Variants in ZW10 observed in about 807,000 individuals in gnomAD.
ZW10 encodes zw10 kinetochore protein.
Under a neutral mutation model 87.8 loss-of-function variants are expected in ZW10, and 53 were observed. That is an observed-to-expected ratio of 0.60 (90% CI 0.48 to 0.76). The LOEUF is 0.76. ZW10 is among the 30% of genes least tolerant of loss of function. The pLI, the probability that ZW10 is intolerant of heterozygous loss-of-function variation, is 0.00. For synonymous variants in ZW10, 312 were observed against 329.2 expected (o/e 0.95, Z 0.57); for missense variants, 837 against 923.0 (o/e 0.91, Z 1.21).
intron 7 of ZW10, among the ~76,000 whole-genome samples, chr11:113,750,710 C>T (rs955911540): frequency 6.6e-6 from 1 of 152,160 alleles, no homozygotes; most frequent in Non-Finnish European, 1.5e-5. Context: ...CAAAATTAGT[C>T]ACCTGAAATT....
intron 12 of ZW10, 143 bp from the exon 13 acceptor site, chr11:113,738,537 A>G (rs1953577703): frequency 4.1e-6 from 3 of 736,874 alleles, no homozygotes; most frequent in African/African-American, 3.7e-5. Flanking sequence ...AAGCTGCCCT[A>G]AAGCTACTAG....
intron 7 of ZW10, among the ~76,000 whole-genome samples, chr11:113,749,852 G>C (rs971397050): frequency 6.6e-6 from 1 of 152,138 alleles, no homozygotes; most frequent in African/African-American, 2.4e-5. Flanking sequence ...GTCATTTCTG[G>C]TATTTCATAT....
At chr11:113,770,942 T>A (rs77503003) in intron 1 of ZW10, among the ~76,000 whole-genome samples, 11,755 of 151,160 alleles carry the variant, frequency 0.078, 573 homozygotes, top group African/African-American at 0.13. Flanking sequence ...CAGTCTGTAC[T>A]TCCTCAAGTC....
chr11:113,740,651 G>C (rs1264796512), intron 11 of ZW10, among the ~76,000 whole-genome samples: 1 of 152,196 alleles, frequency 6.6e-6, no homozygotes, highest in East Asian at 1.9e-4. Flanking sequence ...TACTGCCAAA[G>C]CTGAGAACCG....
chr11:113,746,113 C>T (rs954529713), intron 9 of ZW10, among the ~76,000 whole-genome samples: 1 of 152,164 alleles, frequency 6.6e-6, no homozygotes, highest in African/African-American at 2.4e-5. Context: ...TCCCCCACAG[C>T]GAAGAATTAG....
intron 2 of ZW10, among the ~76,000 whole-genome samples, chr11:113,768,260 C>T (rs1286790827): frequency 6.6e-6 from 1 of 152,180 alleles, no homozygotes; most frequent in African/African-American, 2.4e-5. Flanking sequence ...CAAGGCTAAA[C>T]ATCCTCAGTT....
intron 11 of ZW10, 52 bp downstream of exon 11, chr11:113,741,642 C>A: frequency 1.6e-6 from 2 of 1,223,546 alleles, no homozygotes; most frequent in South Asian, 1.7e-5. Context: ...ACTTAACTTC[C>A]ACATCTTAGA....
intron 12 of ZW10, among the ~76,000 whole-genome samples, chr11:113,738,829 G>A (rs756653417): frequency 6.6e-6 from 1 of 152,138 alleles, no homozygotes; most frequent in African/African-American, 2.4e-5. Context: ...GATGTAAGAT[G>A]GGGGAGCTGT....
intron 9 of ZW10, among the ~76,000 whole-genome samples, chr11:113,746,936 T>A (rs1029924510): frequency 6.6e-6 from 1 of 152,126 alleles, no homozygotes; most frequent in African/African-American, 2.4e-5. Flanking sequence ...GACACTGGAC[T>A]TTCTGCAGAA....
intron 7 of ZW10, among the ~76,000 whole-genome samples, chr11:113,754,613 A>G (rs1953764176): frequency 6.6e-6 from 1 of 152,064 alleles, no homozygotes. Context: ...CAAAAACAGC[A>G]TGTCTTATTT....
At chr11:113,768,383 G>A (rs1472424225) in intron 2 of ZW10, among the ~76,000 whole-genome samples, 2 of 152,194 alleles carry the variant, frequency 1.3e-5, no homozygotes, top group African/African-American at 4.8e-5. Context: ...CAGCCAGGGT[G>A]TGGCCAGTAA....
intron 5 of ZW10, 107 bp downstream of exon 5, chr11:113,760,102 G>C: frequency 7.6e-7 from 1 of 1,322,038 alleles, no homozygotes; most frequent in Non-Finnish European, 1.0e-6. Flanking sequence ...AGACATGGAA[G>C]ATTATGAATG....
chr11:113,742,892 T>G (rs1953637266), intron 10 of ZW10, among the ~76,000 whole-genome samples: 1 of 152,208 alleles, frequency 6.6e-6, no homozygotes, highest in Admixed American at 6.5e-5. Flanking sequence ...ACGATAAAAA[T>G]TGAACTTGGA....
chr11:113,761,020 T>A, intron 2 of ZW10, 102 bp from the exon 3 acceptor site: 1 of 863,624 alleles, frequency 1.2e-6, no homozygotes, highest in African/African-American at 1.7e-5. Flanking sequence ...ACATAATTTA[T>A]GTTGAAATTT....
Position 113,743,878 on chromosome 11 carries a change from T to TA in ZW10, c.1434dup (p.Ile479TyrfsTer3). The stretch of plus-strand genomic sequence containing the variant: ...ATTAATTTCTTCACAGACTCACTGA[T>TA]ACGGCATGTGGGCAAGGAAAAGGAA... On this transcript the variant is annotated frameshift_variant, in exon 10 of 16. Transcript: ENST00000200135. LOFTEE classifies it high-confidence loss of function. The TA allele has an allele frequency of 6.2e-7, 1 of 1,614,212 alleles. No individual in the cohort carries two copies. Among genetic ancestry groups the TA allele is most frequent in the Non-Finnish European group, 8.5e-7 (1 of 1,180,030 alleles).
intron 7 of ZW10, among the ~76,000 whole-genome samples, chr11:113,754,740 T>C (rs1953765529): frequency 6.6e-6 from 1 of 152,092 alleles, no homozygotes; most frequent in African/African-American, 2.4e-5. Context: ...AAGTAGCACA[T>C]GCCACTATGC....
At chr11:113,763,951 T>C (rs767103738) in intron 2 of ZW10, among the ~76,000 whole-genome samples, 2 of 152,242 alleles carry the variant, frequency 1.3e-5, no homozygotes, top group Non-Finnish European at 2.9e-5. Context: ...ATGTCCTGAA[T>C]GGAATTGCCC....
intron 12 of ZW10, among the ~76,000 whole-genome samples, 181 bp downstream of exon 12, chr11:113,739,032 A>T (rs1357439736): frequency 6.6e-6 from 1 of 152,074 alleles, no homozygotes; most frequent in Non-Finnish European, 1.5e-5. Context: ...TCCCACAAAG[A>T]CTACACTCAC....
At chr11:113,734,501 A>G (rs1262335966) in intron 15 of ZW10, among the ~76,000 whole-genome samples, 1 of 152,162 alleles carries the variant, frequency 6.6e-6, no homozygotes, top group African/African-American at 2.4e-5. Flanking sequence ...GCAGCTACAC[A>G]TACCATCAAG....
Sources: allele counts gnomAD v4.1 joint callset (sites outside exome capture counted in the v4.1 genomes callset), GRCh38; gene constraint gnomAD v4.1.1; transcripts MANE v1.5; gene names NCBI Gene and HGNC (gene_info 2026-07-23, HGNC 2026-07-21).